ZMIZ1: variants seen among roughly 807,000 people sequenced by gnomAD.
The protein encoded by ZMIZ1 is zinc finger MIZ domain-containing protein 1.
ZMIZ1 carries 17 observed loss-of-function variants against 113.9 expected under a neutral mutation model. That is an observed-to-expected ratio of 0.15 (90% CI 0.10 to 0.22). The LOEUF (loss-of-function observed/expected upper bound fraction) is 0.22, where lower values mean the gene tolerates loss of function less well. Among genes scored for constraint, ZMIZ1 ranks in the 10% least tolerant of loss-of-function variants. ZMIZ1 has a pLI of 1.00. For synonymous variants in ZMIZ1, 607 were observed against 603.1 expected, an observed-to-expected ratio of 1.01 and a Z score of -0.09; for missense variants, 1,059 against 1,477.8, an observed-to-expected ratio of 0.72 and a Z score of 4.65.
intron 7 of ZMIZ1, among the ~76,000 whole-genome samples, chr10:79,253,018 G>A (rs933151630): frequency 2.0e-5 from 3 of 152,140 alleles, no homozygotes; most frequent in African/African-American, 7.2e-5. Flanking sequence ...TGTGGGGAAG[G>A]TGAAAAAAGA....
At chr10:79,211,643 AC>A (rs1300731056) in intron 6 of ZMIZ1, among the ~76,000 whole-genome samples, 2 of 151,938 alleles carry the variant, frequency 1.3e-5, no homozygotes, top group Non-Finnish European at 2.9e-5. Context: ...AATTAAAGTG[AC>A]CCCAGACCTG....
In ZMIZ1 at chr10:79,312,808, C is replaced by G; in HGVS notation, c.*59C>G. 3.2e-6 allele frequency: 5 copies of G among 1,539,974 alleles called. No individual in the cohort carries two copies. Among genetic ancestry groups the G allele is most frequent in the Non-Finnish European group, 4.5e-6 (5 of 1,114,676 alleles). ...TGCATCCTACCCCACCTACCCAACA[C>G]ACTTTTCCACCTGGGAGCCTGTGCC... On this transcript the variant is annotated 3_prime_UTR_variant, in exon 25 of 25. Coordinates refer to ENST00000334512, the MANE Select transcript of ZMIZ1 (RefSeq NM_020338.4).
At chr10:79,078,203 C>T (rs936897435) in intron 1 of ZMIZ1, among the ~76,000 whole-genome samples, 1 of 152,272 alleles carries the variant, frequency 6.6e-6, no homozygotes, top group Non-Finnish European at 1.5e-5. Context: ...AACTGAGGCT[C>T]ATAATAACAA....
intron 16 of ZMIZ1, 79 bp from the exon 17 acceptor site, chr10:79,300,653 T>C: frequency 2.0e-6 from 3 of 1,514,716 alleles, no homozygotes; most frequent in Non-Finnish European, 2.7e-6. Context: ...TTTAGAGGTG[T>C]GTGACCTGGC....
At chr10:79,190,922 C>T (rs560162410) in intron 4 of ZMIZ1, among the ~76,000 whole-genome samples, 1 of 152,218 alleles carries the variant, frequency 6.6e-6, no homozygotes, top group South Asian at 2.1e-4. Flanking sequence ...GCTAAGCCCT[C>T]CCCTCTCTGG....
chr10:79,261,118 G>A (rs571922064), intron 7 of ZMIZ1, among the ~76,000 whole-genome samples: 1 of 152,188 alleles, frequency 6.6e-6, no homozygotes. Flanking sequence ...CTCCCCCAAG[G>A]GTAGTTGGAT....
chr10:79,276,954 C>A (rs758802985), intron 7 of ZMIZ1, among the ~76,000 whole-genome samples: 1 of 152,196 alleles, frequency 6.6e-6, no homozygotes, highest in Non-Finnish European at 1.5e-5. Context: ...TTCTGACCCC[C>A]TCTTCATGAC....
intron 1 of ZMIZ1, among the ~76,000 whole-genome samples, chr10:79,093,991 C>A (rs181444929): frequency 0.01 from 1,569 of 152,304 alleles, 18 homozygotes; most frequent in Non-Finnish European, 0.017. Flanking sequence ...AGTGTAAAGG[C>A]CGCAGTGAGC....
intron 7 of ZMIZ1, among the ~76,000 whole-genome samples, chr10:79,254,486 C>T (rs1176139676): frequency 6.6e-6 from 1 of 152,206 alleles, no homozygotes; most frequent in East Asian, 1.9e-4. Flanking sequence ...GGGAGGCTGC[C>T]GAGTGCTGCT....
chr10:79,220,028 GCT>G (rs1848899002), intron 7 of ZMIZ1, among the ~76,000 whole-genome samples: 1 of 152,182 alleles, frequency 6.6e-6, no homozygotes, highest in African/African-American at 2.4e-5. Context: ...CCAGGAGCAG[GCT>G]GGGCCATAAG....
intron 7 of ZMIZ1, among the ~76,000 whole-genome samples, chr10:79,260,313 A>G (rs991960215): frequency 6.6e-6 from 1 of 152,186 alleles, no homozygotes; most frequent in African/African-American, 2.4e-5. Flanking sequence ...AGGACTTTAA[A>G]AGCAGGTGGT....
At chr10:79,171,488 C>CT (rs1846600642) in intron 4 of ZMIZ1, among the ~76,000 whole-genome samples, 1 of 152,226 alleles carries the variant, frequency 6.6e-6, no homozygotes, top group Non-Finnish European at 1.5e-5. Context: ...ACTGCTCTCT[C>CT]TATCTGTACT....
At chr10:79,261,037 G>A (rs1851228801) in intron 7 of ZMIZ1, among the ~76,000 whole-genome samples, 1 of 152,184 alleles carries the variant, frequency 6.6e-6, no homozygotes, top group Non-Finnish European at 1.5e-5. Flanking sequence ...AGGGCAGAGA[G>A]AGACTGTATC....
At chr10:79,138,764 A>G (rs1179326539) in intron 2 of ZMIZ1, among the ~76,000 whole-genome samples, 1 of 152,234 alleles carries the variant, frequency 6.6e-6, no homozygotes, top group African/African-American at 2.4e-5. Flanking sequence ...AGTACCCAAC[A>G]GGACATACAT....
intron 11 of ZMIZ1, 110 bp from the exon 12 acceptor site, chr10:79,293,271 C>T: frequency 7.0e-7 from 1 of 1,421,094 alleles, no homozygotes; most frequent in Non-Finnish European, 9.5e-7. Context: ...GACAGTGCCC[C>T]CTCCCCACTC....
At chr10:79,262,510 T>C (rs1261643220) in intron 7 of ZMIZ1, among the ~76,000 whole-genome samples, 2 of 152,246 alleles carry the variant, frequency 1.3e-5, no homozygotes, top group African/African-American at 4.8e-5. Context: ...CAGATGTAAA[T>C]GGCATTCTTA....
chr10:79,101,910 GGAGGCAGCT>G (rs1843377458), intron 1 of ZMIZ1, among the ~76,000 whole-genome samples: 1 of 152,200 alleles, frequency 6.6e-6, no homozygotes, highest in South Asian at 2.1e-4. Context: ...CACAATGCAG[GGAGGCAGCT>G]GAGGACCAGA....
chr10:79,095,509 C>T (rs1353734297), intron 1 of ZMIZ1, among the ~76,000 whole-genome samples: 3 of 152,220 alleles, frequency 2.0e-5, no homozygotes, highest in African/African-American at 4.8e-5. Flanking sequence ...CCTGGCCATG[C>T]GGCCTTTCCG....
chr10:79,245,864 C>T (rs939938853), intron 7 of ZMIZ1, among the ~76,000 whole-genome samples: 1 of 152,174 alleles, frequency 6.6e-6, no homozygotes, highest in African/African-American at 2.4e-5. Flanking sequence ...CAGTAGCCAC[C>T]GAAGGCTGGT....
Sources: gnomAD v4.1 joint callset for allele counts (sites outside exome capture counted in the v4.1 genomes callset) on GRCh38, gnomAD v4.1.1 for gene constraint, MANE v1.5 for transcripts, NCBI Gene and HGNC (gene_info 2026-07-23, HGNC 2026-07-21) for gene names.